The following NRG3 variants were observed in gnomAD, a reference collection of about 807,000 sequenced individuals.
NRG3 encodes pro-neuregulin-3, membrane-bound isoform.
A neutral mutation model predicts 66.9 loss-of-function variants in NRG3; 31 were observed. The observed-to-expected ratio is 0.46, with a 90% confidence interval of 0.35 to 0.63. The LOEUF (loss-of-function observed/expected upper bound fraction) is 0.63, where lower values mean the gene tolerates loss of function less well. Ranked by LOEUF, NRG3 falls within the 20% of genes least tolerant of loss-of-function variation. The pLI is 0.00. For missense variants in NRG3, 910 were observed against 878.9 expected (o/e 1.04, Z -0.45); for synonymous variants, 393 against 359.4 (o/e 1.09, Z -1.06).
chr10:82,151,034 G>T (rs375126151), intron 1 of NRG3, among the ~76,000 whole-genome samples: 1 of 152,312 alleles, frequency 6.6e-6, no homozygotes, highest in East Asian at 1.9e-4. Context: ...CAATCTCCTT[G>T]TGCAAAATCT....
chr10:82,405,100 G>A (rs1054057143), intron 2 of NRG3, among the ~76,000 whole-genome samples: 26 of 152,164 alleles, frequency 1.7e-4, no homozygotes, highest in African/African-American at 5.3e-4. Context: ...TTGGGATGGT[G>A]TGTGGTTGAG....
intron 1 of NRG3, among the ~76,000 whole-genome samples, chr10:82,179,157 C>G (rs2073242219): frequency 6.6e-6 from 1 of 151,894 alleles, no homozygotes; most frequent in Non-Finnish European, 1.5e-5. Context: ...AACCCTTTAT[C>G]AGATATATGG....
chr10:82,772,302 T>TA (rs1209567315), intron 3 of NRG3, among the ~76,000 whole-genome samples: 1 of 150,512 alleles, frequency 6.6e-6, no homozygotes, highest in Non-Finnish European at 1.5e-5. Flanking sequence ...TATAGTTACT[T>TA]TTCATTCATT....
chr10:82,474,564 C>A (rs1475557411), intron 2 of NRG3, among the ~76,000 whole-genome samples: 5 of 151,788 alleles, frequency 3.3e-5, no homozygotes, highest in Admixed American at 1.3e-4. Flanking sequence ...ATTATTGAAT[C>A]TGAAAAAGAA....
intron 2 of NRG3, among the ~76,000 whole-genome samples, chr10:82,606,455 ATATTCTGTGCTGTC>A (rs1271533509): frequency 5.9e-5 from 9 of 152,272 alleles, no homozygotes; most frequent in Admixed American, 5.9e-4. Context: ...ATCTTGGTGA[ATATTCTGTGCTGTC>A]TTGAGAATAT....
At chr10:82,694,809 A>G (rs891835130) in intron 2 of NRG3, among the ~76,000 whole-genome samples, 2 of 152,174 alleles carry the variant, frequency 1.3e-5, no homozygotes, top group African/African-American at 4.8e-5. Flanking sequence ...ATTTTTATAA[A>G]TTTATTCAAA....
chr10:82,690,881 C>G (rs894133300), intron 2 of NRG3, among the ~76,000 whole-genome samples: 1 of 152,078 alleles, frequency 6.6e-6, no homozygotes, highest in Admixed American at 6.6e-5. Flanking sequence ...TCTCATATCC[C>G]TATTAAAATC....
At chr10:82,139,568 A>AT (rs2069620334) in intron 1 of NRG3, among the ~76,000 whole-genome samples, 1 of 152,122 alleles carries the variant, frequency 6.6e-6, no homozygotes, top group Non-Finnish European at 1.5e-5. Context: ...ATTATTGTTA[A>AT]TTTTTTTCTT....
intron 1 of NRG3, among the ~76,000 whole-genome samples, chr10:82,092,002 T>A (rs1233248927): frequency 6.6e-6 from 1 of 152,166 alleles, no homozygotes; most frequent in Non-Finnish European, 1.5e-5. Context: ...ATGACAATAA[T>A]TAGGATGATT....
intron 2 of NRG3, among the ~76,000 whole-genome samples, chr10:82,427,099 G>A (rs1359766763): frequency 1.3e-5 from 2 of 152,084 alleles, no homozygotes; most frequent in East Asian, 3.9e-4. Context: ...GCATTTGTGT[G>A]TTTTGGTATT....
intron 2 of NRG3, among the ~76,000 whole-genome samples, chr10:82,711,316 G>A (rs1366177959): frequency 6.6e-6 from 1 of 151,844 alleles, no homozygotes; most frequent in Non-Finnish European, 1.5e-5. Context: ...CAAATTCCTG[G>A]CCTCAAGTTT....
intron 1 of NRG3, among the ~76,000 whole-genome samples, chr10:82,311,651 A>G (rs2081034852): frequency 6.6e-6 from 1 of 152,180 alleles, no homozygotes; most frequent in Non-Finnish European, 1.5e-5. Flanking sequence ...TTGCTGACCG[A>G]TATTTACCAA....
chr10:82,743,266 A>C (rs987450334), intron 3 of NRG3, among the ~76,000 whole-genome samples: 2 of 152,068 alleles, frequency 1.3e-5, no homozygotes, highest in African/African-American at 4.8e-5. Context: ...CACTTCCATC[A>C]TGTATTCATA....
chr10:81,945,229 G>T (rs772538005), intron 1 of NRG3, among the ~76,000 whole-genome samples: 1 of 151,874 alleles, frequency 6.6e-6, no homozygotes, highest in Non-Finnish European at 1.5e-5. Context: ...GGTCTGGATC[G>T]TATAATCTTT....
At chr10:82,007,211 C>CTTTTTTTTTTT (rs34146080) in intron 1 of NRG3, among the ~76,000 whole-genome samples, 1 of 130,552 alleles carries the variant, frequency 7.7e-6, no homozygotes. Context: ...TTTTTCTTTT[C>CTTTTTTTTTTT]TTTTTTTTTT....
intron 2 of NRG3, among the ~76,000 whole-genome samples, chr10:82,674,493 C>T (rs2053523696): frequency 6.6e-6 from 1 of 152,056 alleles, no homozygotes; most frequent in Admixed American, 6.6e-5. Context: ...TGCCTTTTTA[C>T]TGACACTTAA....
intron 2 of NRG3, among the ~76,000 whole-genome samples, chr10:82,620,591 C>T (rs565826841): frequency 7.2e-5 from 11 of 152,226 alleles, no homozygotes; most frequent in South Asian, 2.1e-4. Flanking sequence ...CTTTATAGGG[C>T]ACAGGATGTG....
intron 3 of NRG3, among the ~76,000 whole-genome samples, chr10:82,851,212 A>T (rs2063543608): frequency 6.6e-6 from 1 of 152,342 alleles, no homozygotes; most frequent in Non-Finnish European, 1.5e-5. Flanking sequence ...AAGTGTAAAC[A>T]CATTTCGTTT....
intron 4 of NRG3, among the ~76,000 whole-genome samples, chr10:82,930,306 C>T (rs960817685): frequency 1.6e-4 from 24 of 152,230 alleles, no homozygotes; most frequent in East Asian, 9.6e-4. Context: ...TATGCTATGA[C>T]GTACCTACTA....
Sources: allele counts gnomAD v4.1 joint callset (sites outside exome capture counted in the v4.1 genomes callset), GRCh38; gene constraint gnomAD v4.1.1; transcripts MANE v1.5; gene names NCBI Gene and HGNC (gene_info 2026-07-23, HGNC 2026-07-21).